TXNDC8: variants seen among roughly 807,000 people sequenced by gnomAD.
TXNDC8 encodes the protein thioredoxin domain containing 8.
TXNDC8 carries 15 observed loss-of-function variants against 12.9 expected under a neutral mutation model. The observed-to-expected ratio is 1.16, with a 90% CI of 0.78 to 1.79. TXNDC8 has a LOEUF of 1.79. TXNDC8 is among the 40% of genes most tolerant of loss of function. The pLI is 0.00. For synonymous variants in TXNDC8, 40 were observed against 35.4 expected (o/e 1.13, Z -0.46); for missense variants, 128 against 113.2 (o/e 1.13, Z -0.59).
At chr9:110,302,164 A>AT (rs889946789), downstream of TXNDC8, among the ~76,000 whole-genome samples, 184 of 145,062 alleles carry the variant, frequency 1.3e-3, 1 homozygote, top group Middle Eastern at 0.018. Flanking sequence ...TAATTTTTGT[A>AT]TTTTTTTTTT....
At chr9:110,313,201 T>G (rs779514410) in intron 3 of TXNDC8, among the ~76,000 whole-genome samples, 1 of 152,114 alleles carries the variant, frequency 6.6e-6, no homozygotes, top group East Asian at 1.9e-4. Context: ...CCACCATGCC[T>G]GCCCCTACGA....
intron 3 of TXNDC8, among the ~76,000 whole-genome samples, chr9:110,321,569 T>A (rs572446351): frequency 6.6e-6 from 1 of 152,346 alleles, no homozygotes; most frequent in South Asian, 2.1e-4. Flanking sequence ...CACACAGTAC[T>A]TAACTGCTTC....
intron 3 of TXNDC8, among the ~76,000 whole-genome samples, chr9:110,325,681 T>A (rs1839287079): frequency 6.6e-6 from 1 of 152,008 alleles, no homozygotes; most frequent in Admixed American, 6.6e-5. Context: ...CCACCACGCC[T>A]GGCTAATTTT....
chr9:110,309,922 A>G (rs1838601133), intron 3 of TXNDC8, among the ~76,000 whole-genome samples: 1 of 152,056 alleles, frequency 6.6e-6, no homozygotes, highest in Non-Finnish European at 1.5e-5. Context: ...ATTAAGAAAA[A>G]AAAAGTGGGA....
At chr9:110,323,406 T>C in intron 3 of TXNDC8, 4 of 902,048 alleles carry the variant, frequency 4.4e-6, no homozygotes, top group Non-Finnish European at 5.3e-6. Flanking sequence ...ATGGTGCTTC[T>C]GTGTAGCTAA....
Position 110,337,629 on chromosome 9 carries a change from T to C in TXNDC8, c.24+144A>G. The stretch of plus-strand genomic sequence containing the variant: ...TAGTACCATCCCTCAAGGAACAAGA[T>C]AAAGAACAAGAATTTAGAACTCTCC... On this transcript the variant is annotated intron_variant, in intron 1 of 4. Coordinates refer to ENST00000423740, the MANE Select transcript of TXNDC8 (RefSeq NM_001286946.2). 3 of 752,624 alleles carry C rather than the reference T, an allele frequency of 4.0e-6. No individual in the cohort carries two copies. The East Asian group carries it at 8.5e-5, about 21-fold the overall frequency. The allele number at this position is 752,624 out of a possible 1,614,324, so 46.6% of individuals were successfully genotyped here.
At chr9:110,328,207 A>T (rs1415333749) in intron 2 of TXNDC8, among the ~76,000 whole-genome samples, 1 of 152,254 alleles carries the variant, frequency 6.6e-6, no homozygotes, top group Non-Finnish European at 1.5e-5. Context: ...TCTAAAGCTC[A>T]AATGCATTCT....
At chr9:110,326,380 C>A (rs1175701752) in intron 2 of TXNDC8, 140 bp from the exon 4 acceptor site, 3 of 685,480 alleles carry the variant, frequency 4.4e-6, no homozygotes, top group East Asian at 5.3e-5. Flanking sequence ...CTGCTATGAA[C>A]TTTTCTAACA....
In TXNDC8 at chr9:110,309,437, G is replaced by A. The variant is rs908297099; in HGVS notation, c.196-4905C>T. Among the ~76,000 whole-genome samples, 3 of 152,182 alleles carry A rather than the reference G, an allele frequency of 2.0e-5. No homozygotes were observed. In the East Asian group the frequency reaches 5.8e-4, roughly 29 times the overall value. The stretch of plus-strand genomic sequence containing the variant: ...TGCAACCTCTGCCTCCCATGTTCAA[G>A]TGATTCTCCTGCCTCTGCCTCCCTA... On this transcript the variant is annotated intron_variant, in intron 3 of 4. Coordinates refer to ENST00000423740, the MANE Select transcript of TXNDC8 (RefSeq NM_001286946.2).
At chr9:110,323,343 G>C in intron 3 of TXNDC8, 1 of 985,510 alleles carries the variant, frequency 1.0e-6, no homozygotes, top group Non-Finnish European at 1.2e-6. Context: ...GGAGGGATGA[G>C]AGATAAAGTC....
intron 3 of TXNDC8, among the ~76,000 whole-genome samples, chr9:110,308,931 C>A (rs1319361303): frequency 6.6e-6 from 1 of 152,142 alleles, no homozygotes; most frequent in Non-Finnish European, 1.5e-5. Flanking sequence ...TTTGTAGATA[C>A]CAGAGATGAC....
chr9:110,330,061 A>G (rs1327182863), intron 2 of TXNDC8, among the ~76,000 whole-genome samples: 1 of 152,198 alleles, frequency 6.6e-6, no homozygotes, highest in Non-Finnish European at 1.5e-5. Flanking sequence ...AGCAGTGACA[A>G]CAGTGGCCTG....
intron 3 of TXNDC8, among the ~76,000 whole-genome samples, chr9:110,315,018 A>G (rs1838831420): frequency 1.3e-5 from 2 of 152,198 alleles, no homozygotes; most frequent in African/African-American, 4.8e-5. Context: ...GAAGTCTTTT[A>G]TTATGAACAT....
Position 110,329,307 on chromosome 9 carries a change from T to G in TXNDC8, c.130-3067A>C. 6.3e-7 allele frequency: 1 copy of G among 1,588,400 alleles called. No homozygotes were observed. The highest frequency in any genetic ancestry group is 8.6e-7 in the Non-Finnish European group (1 of 1,164,188). On this transcript the variant is annotated intron_variant, in intron 2 of 4. Coordinates refer to ENST00000423740, the MANE Select transcript of TXNDC8 (RefSeq NM_001286946.2). ...CAGACATAGCCTTCAAAATAAAAAA[T>G]AAATATTTCCCATTAGTTTGGTGTT... is the stretch of plus-strand genomic sequence containing the variant.
intron 3 of TXNDC8, among the ~76,000 whole-genome samples, chr9:110,306,455 G>T (rs35580562): frequency 0.056 from 8,567 of 152,202 alleles, 294 homozygotes; most frequent in Middle Eastern, 0.092. Flanking sequence ...ATCCTTGTTT[G>T]TAAACATCTT....
At chr9:110,334,130 G>T in intron 2 of TXNDC8, 86 bp downstream of exon 2, 1 of 1,189,744 alleles carries the variant, frequency 8.4e-7, no homozygotes, top group Non-Finnish European at 1.2e-6. Flanking sequence ...GCTCATAATT[G>T]CCAAACTTTT....
intron 3 of TXNDC8, among the ~76,000 whole-genome samples, chr9:110,324,331 A>G (rs1839225164): frequency 1.3e-5 from 2 of 152,262 alleles, no homozygotes; most frequent in Admixed American, 6.5e-5. Context: ...TTTTCAAGTA[A>G]AAATCCAAAT....
chr9:110,314,311 A>G (rs1838794611), intron 3 of TXNDC8, among the ~76,000 whole-genome samples: 2 of 152,164 alleles, frequency 1.3e-5, no homozygotes, highest in African/African-American at 4.8e-5. Flanking sequence ...TATAAAACCA[A>G]GCTGTGCTCT....
At chr9:110,317,144 C>T (rs1166911932) in intron 3 of TXNDC8, among the ~76,000 whole-genome samples, 1 of 152,208 alleles carries the variant, frequency 6.6e-6, no homozygotes, top group Non-Finnish European at 1.5e-5. Flanking sequence ...CCTCAAGCCA[C>T]ACCTTGAACA....
Sources: allele counts gnomAD v4.1 joint callset (sites outside exome capture counted in the v4.1 genomes callset), GRCh38; gene constraint gnomAD v4.1.1; transcripts MANE v1.5; gene names NCBI Gene and HGNC (gene_info 2026-07-23, HGNC 2026-07-21).